The following ZNF335 variants were observed in gnomAD, a reference collection of about 807,000 sequenced individuals.
The protein encoded by ZNF335 is NRC-interacting factor 1.
ZNF335 carries 84 observed loss-of-function variants against 145.6 expected under a neutral mutation model. The observed-to-expected ratio is 0.58, with a 90% CI of 0.48 to 0.69. ZNF335 has a LOEUF of 0.69. Ranked by LOEUF, ZNF335 falls within the 30% of genes least tolerant of loss-of-function variation. The probability of loss-of-function intolerance (pLI) is 0.00; values close to 1 mark genes in which losing one functional copy is unlikely to be tolerated. For synonymous variants in ZNF335, 761 were observed against 717.0 expected (o/e 1.06, Z -0.98); for missense variants, 1,865 against 1,809.7 (o/e 1.03, Z -0.55).
In ZNF335 at chr20:45,963,660, G is replaced by A. The variant is rs771052244; in HGVS notation, c.1356-10C>T. 5.6e-6 allele frequency: 9 copies of A among 1,613,902 alleles called. No individual in the cohort carries two copies. The highest frequency in any genetic ancestry group is 2.7e-5 in the African/African-American group (2 of 74,952). Reference sequence around the variant, plus strand: ...CGACTTGTAATAGTACCTGCAGGATGAGAGTGTGGCGGAAAGGTCTGGTGG... The same window carrying A: ...CGACTTGTAATAGTACCTGCAGGATAAGAGTGTGGCGGAAAGGTCTGGTGG... On this transcript the variant is annotated splice_polypyrimidine_tract_variant and intron_variant, in intron 8 of 27. Coordinates refer to ENST00000322927, the MANE Select transcript of ZNF335 (RefSeq NM_022095.4).
chr20:45,963,726 T>C lies in ZNF335; in HGVS notation c.1355+12A>G. ...CACATGCATGCCCCACCCTCACCTC[T>C]GCTCCACATACTTGCGGTATTTCTT... On this transcript the variant is annotated intron_variant, in intron 8 of 27. Coordinates refer to ENST00000322927, the MANE Select transcript of ZNF335 (RefSeq NM_022095.4). 1.2e-6 allele frequency: 2 copies of C among 1,614,158 alleles called. No homozygotes were observed. Among genetic ancestry groups the C allele is most frequent in the South Asian group, 2.2e-5 (2 of 91,084 alleles).
chr20:45,956,179 C>T, intron 17 of ZNF335, among the ~76,000 whole-genome samples: 1 of 152,064 alleles, frequency 6.6e-6, no homozygotes, highest in Non-Finnish European at 1.5e-5. Flanking sequence ...GGAGAAATGC[C>T]AAGGACTTTC....
intron 17 of ZNF335, among the ~76,000 whole-genome samples, chr20:45,956,858 G>C (rs1417900333): frequency 6.6e-6 from 1 of 152,070 alleles, no homozygotes. Flanking sequence ...ACAAGTTGGG[G>C]GAGTCTTTCT....
chr20:45,964,106 G>A, intron 7 of ZNF335, 116 bp from the exon 8 acceptor site: 11 of 1,311,038 alleles, frequency 8.4e-6, no homozygotes, highest in South Asian at 1.5e-5. Flanking sequence ...GACCACTGAT[G>A]GGTGCATTGA....
chr20:45,959,240 C>T lies in ZNF335; in HGVS notation c.2214G>A (p.Ala738=), dbSNP rs568951522. Residue 738 remains alanine, a synonymous_variant, in exon 15 of 28, where the codon GCG becomes GCA. Coordinates refer to ENST00000322927, the MANE Select transcript of ZNF335 (RefSeq NM_022095.4). ...GGGAACTGGGAGGTGGTCCAGGGGC[C>T]GCACTGTGCTGCTGCTTCAGCTCCT... ...QIEELKQQHS[A]APGPPPSSPG... is the part of the protein sequence containing the mutation. 2.2e-5 allele frequency: 32 copies of T among 1,451,362 alleles called. No individual in the cohort carries two copies. The highest frequency in any genetic ancestry group is 1.9e-4 in the Middle Eastern group (1 of 5,376). The allele number at this position is 1,451,362 out of a possible 1,614,324, so 89.9% of individuals were successfully genotyped here.
intron 17 of ZNF335, among the ~76,000 whole-genome samples, chr20:45,955,072 C>T (rs1481066616): frequency 6.6e-5 from 10 of 151,858 alleles, no homozygotes; most frequent in Non-Finnish European, 1.3e-4. Flanking sequence ...CGACTGAGGC[C>T]GGGCGTGGTG....
At position 45,962,801 on chromosome 20, in the gene ZNF335, G is replaced by GTTTTT. The variant is rs1445107629; in HGVS notation, c.1534-624_1534-620dup. 3.3e-4 allele frequency among the ~76,000 whole-genome samples: 31 copies of GTTTTT among 93,568 alleles called. 4 individuals are homozygous for GTTTTT. Among genetic ancestry groups the GTTTTT allele is most frequent in the African/African-American group, 9.7e-4 (20 of 20,682 alleles). 61.4% of individuals were successfully genotyped at this position (93,568 alleles called of 152,430 possible). A position where few individuals can be genotyped will look rare whatever the true frequency, so the allele number is the denominator to read the frequency against. On this transcript the variant is annotated intron_variant, in intron 9 of 27. Transcript: ENST00000322927. ...CTTGTGTTAAGGAGAAAAAGGAACC[G>GTTTTT]TTTTTTTTTTTTTGTTTGTTTGTTT...
At chr20:45,971,774 C>T (rs2084073165) in intron 1 of ZNF335, 19 of 985,334 alleles carry the variant, frequency 1.9e-5, no homozygotes, top group Non-Finnish European at 2.3e-5. Flanking sequence ...AGCCCTTCGG[C>T]CCCCGCGTCC....
chr20:45,961,907 T>TGAAC (rs1165924305), intron 10 of ZNF335, 163 bp downstream of exon 10: 1 of 614,716 alleles, frequency 1.6e-6, no homozygotes. Context: ...CTAAGCCAAA[T>TGAAC]GAACTGGGGT....
chr20:45,968,228 C>G, intron 4 of ZNF335, 57 bp downstream of exon 4: 1 of 1,578,254 alleles, frequency 6.3e-7, no homozygotes, highest in Non-Finnish European at 8.7e-7. Context: ...AGAACCTGTC[C>G]TCACCTATCC....
In ZNF335 at chr20:45,960,254, G is replaced by C; in HGVS notation, c.1974C>G (p.Thr658=). 1 of 1,614,198 alleles carries C rather than the reference G, an allele frequency of 6.2e-7. No individual in the cohort carries two copies. Among genetic ancestry groups the C allele is most frequent in the African/African-American group, 1.3e-5 (1 of 75,052 alleles). ...PFKCSFCPYR[T]FREDFLLSHV... ...GGGACAGCAAGAAGTCCTCTCGGAAGGTGCGGTAGGGACAAAAGCTGCATT... is the reference window on the plus strand; with the variant it reads ...GGGACAGCAAGAAGTCCTCTCGGAACGTGCGGTAGGGACAAAAGCTGCATT... The change falls in exon 14 of 28, where the codon ACC becomes ACG. Residue 658 remains threonine (T), a synonymous_variant. Transcript: ENST00000322927.
chr20:45,967,986 G>C lies in ZNF335; in HGVS notation c.562C>G (p.His188Asp). 1 of 1,612,738 alleles carries C rather than the reference G, an allele frequency of 6.2e-7. No homozygotes were observed. Among genetic ancestry groups the C allele is most frequent in the Non-Finnish European group, 8.5e-7 (1 of 1,180,040 alleles). The change falls in exon 5 of 28, where the codon CAC (histidine) becomes GAC (aspartate). Residue 188 changes from histidine (H) to aspartate (D), a missense_variant. Physicochemically the swap from His to Asp is moderately conservative, Grantham distance 81. Coordinates refer to ENST00000322927, the MANE Select transcript of ZNF335 (RefSeq NM_022095.4). Reference protein sequence around the residue: ...TSPMSSSTLAHSLAAIEALAD... With the variant: ...TSPMSSSTLADSLAAIEALAD... ...AGGGCCTCAATGGCTGCTAGGCTGT[G>C]GGCCAAGGTGGAACTGGACATTGGT...
At chr20:45,971,603 C>A (rs1182560520) in intron 1 of ZNF335, 143 bp from the exon 2 acceptor site, 10 of 1,435,668 alleles carry the variant, frequency 7.0e-6, no homozygotes, top group Admixed American at 2.8e-5. Flanking sequence ...TGGTGTATTG[C>A]GAGGGGAGCT....
rs758857622 is a variant in ZNF335, at chr20:45,965,690, G to A, written c.1040C>T (p.Pro347Leu). Reference protein sequence around the residue: ...LQRPTPSTPRPRRRPGRPRKL... With the variant: ...LQRPTPSTPRLRRRPGRPRKL... The stretch of plus-strand genomic sequence containing the variant: ...CCGGGGCCGGCCAGGTCTCCTTCGG[G>A]GCCTTGGGGTACTGGGGGTGGGGCG... The change falls in exon 7 of 28, where the codon CCC (proline) becomes CTC (leucine). Residue 347 changes from proline to leucine, a missense_variant. Coordinates refer to ENST00000322927, the MANE Select transcript of ZNF335 (RefSeq NM_022095.4). 3.7e-6 allele frequency: 6 copies of A among 1,602,466 alleles called. No individual in the cohort carries two copies. In the Admixed American group the frequency reaches 8.6e-5, roughly 23 times the overall value.
chr20:45,967,701 G>T, intron 5 of ZNF335, 33 bp downstream of exon 5: 1 of 1,607,640 alleles, frequency 6.2e-7, no homozygotes, highest in Non-Finnish European at 8.5e-7. Flanking sequence ...CCCTACCCAT[G>T]CAGTCCAAGC....
Position 45,959,214 on chromosome 20 carries a change from G to A in ZNF335, c.2240C>T (p.Pro747Leu), listed in dbSNP as rs2083782589. Reference protein sequence around the residue: ...SAAPGPPPSSPGPPEIPPEAT... With the variant: ...SAAPGPPPSSLGPPEIPPEAT... Reference sequence around the variant, plus strand: ...CCCCGACCTTACCTCAGGAGGTCCTGGGGAACTGGGAGGTGGTCCAGGGGC... The same window carrying A: ...CCCCGACCTTACCTCAGGAGGTCCTAGGGAACTGGGAGGTGGTCCAGGGGC... Residue 747 changes from proline to leucine, a missense_variant, in exon 15 of 28, where the codon CCA (proline) becomes CTA (leucine). Transcript: ENST00000322927. 1.5e-6 allele frequency: 2 copies of A among 1,373,684 alleles called. No individual in the cohort carries two copies. The highest frequency in any genetic ancestry group is 2.8e-5 in the East Asian group (1 of 36,264). 85.1% of individuals were successfully genotyped at this position (1,373,684 alleles called of 1,614,324 possible).
chr20:45,967,746 G>T lies in ZNF335; in HGVS notation c.802C>A (p.His268Asn). Reference sequence around the variant, plus strand: ...GCTACTGACGCACCTGGACGGAAGTGGCGTTCCCGCATGTGGCGCAGCAGT... The same window carrying T: ...GCTACTGACGCACCTGGACGGAAGTTGCGTTCCCGCATGTGGCGCAGCAGT... Reference protein sequence around the residue: ...ATLLRHMRERHFRPVAAAAAA... With the variant: ...ATLLRHMRERNFRPVAAAAAA... The change falls in exon 5 of 28, where the codon CAC (histidine) becomes AAC (asparagine). Residue 268 changes from histidine to asparagine, a missense_variant. Physicochemically the swap from His to Asn is moderately conservative, Grantham distance 68. Coordinates refer to ENST00000322927, the MANE Select transcript of ZNF335 (RefSeq NM_022095.4). 6.2e-7 allele frequency: 1 copy of T among 1,611,030 alleles called. No homozygotes were observed.
intron 20 of ZNF335, among the ~76,000 whole-genome samples, chr20:45,951,412 C>T (rs1169392239): frequency 6.6e-6 from 1 of 152,266 alleles, no homozygotes; most frequent in Non-Finnish European, 1.5e-5. Flanking sequence ...TCCCCAACCA[C>T]CTCGAACCTC....
intron 6 of ZNF335, 150 bp downstream of exon 6, chr20:45,967,344 G>A: frequency 8.2e-7 from 1 of 1,219,090 alleles, no homozygotes; most frequent in Non-Finnish European, 1.2e-6. Flanking sequence ...AGAAGTCCTG[G>A]TCCCAGAGCA....
Sources: allele counts gnomAD v4.1 joint callset (sites outside exome capture counted in the v4.1 genomes callset), GRCh38; gene constraint gnomAD v4.1.1; transcripts MANE v1.5; gene names NCBI Gene and HGNC (gene_info 2026-07-23, HGNC 2026-07-21).